Variants in RBFOX1 observed in about 807,000 individuals in gnomAD.
RBFOX1 encodes RNA binding protein fox-1 homolog 1.
A neutral mutation model predicts 57.7 loss-of-function variants in RBFOX1; 8 were observed. The observed-to-expected ratio is 0.14, with a 90% CI of 0.08 to 0.25. The LOEUF is 0.25. RBFOX1 is among the 10% of genes least tolerant of loss of function. RBFOX1 has a pLI of 1.00. For synonymous variants in RBFOX1, 326 were observed against 222.4 expected (o/e 1.47, Z -4.15); for missense variants, 611 against 548.5 (o/e 1.11, Z -1.14).
At chr16:6,561,176 A>T (rs1427562932) in intron 2 of RBFOX1, among the ~76,000 whole-genome samples, 1 of 152,184 alleles carries the variant, frequency 6.6e-6, no homozygotes, top group Non-Finnish European at 1.5e-5. Context: ...CCTTAAAATG[A>T]ATATGCTTCA....
intron 2 of RBFOX1, among the ~76,000 whole-genome samples, chr16:6,527,937 C>T (rs142337961): frequency 1.3e-5 from 2 of 152,076 alleles, no homozygotes; most frequent in Admixed American, 6.6e-5. Context: ...TTTGTTGTCC[C>T]TTTTCCCATG....
chr16:5,964,152 G>T (rs1202635872), intron 4 of RBFOX1, among the ~76,000 whole-genome samples: 1 of 152,152 alleles, frequency 6.6e-6, no homozygotes, highest in Non-Finnish European at 1.5e-5. Flanking sequence ...TACATGAAAA[G>T]GTGCTCAGCA....
At chr16:6,136,634 C>A (rs567432586) in intron 1 of RBFOX1, among the ~76,000 whole-genome samples, 2 of 152,152 alleles carry the variant, frequency 1.3e-5, no homozygotes, top group East Asian at 1.9e-4. Flanking sequence ...TCCAGAAAAA[C>A]CTTTATGGGG....
intron 1 of RBFOX1, among the ~76,000 whole-genome samples, chr16:6,232,870 G>A (rs890952922): frequency 2.6e-5 from 4 of 152,132 alleles, no homozygotes; most frequent in African/African-American, 4.8e-5. Context: ...CTCAACTTCT[G>A]CACATGTAGC....
At chr16:5,461,495 C>G (rs1233636581) in intron 1 of RBFOX1, among the ~76,000 whole-genome samples, 3 of 152,162 alleles carry the variant, frequency 2.0e-5, no homozygotes, top group Admixed American at 6.5e-5. Flanking sequence ...GCAGCTGCAA[C>G]CAACCAGGCT....
At chr16:6,063,627 A>G (rs74438107) in intron 1 of RBFOX1, among the ~76,000 whole-genome samples, 281 of 152,140 alleles carry the variant, frequency 1.8e-3, no homozygotes, top group African/African-American at 6.5e-3. Flanking sequence ...CGTTTACTCT[A>G]TTATCAAGCT....
chr16:6,212,382 C>T (rs1299906609), intron 1 of RBFOX1, among the ~76,000 whole-genome samples: 1 of 150,640 alleles, frequency 6.6e-6, no homozygotes, highest in Non-Finnish European at 1.5e-5. Context: ...CAGATAGGTA[C>T]ACATATATGT....
intron 3 of RBFOX1, among the ~76,000 whole-genome samples, chr16:6,810,499 T>C (rs1485929104): frequency 3.3e-5 from 5 of 152,130 alleles, no homozygotes; most frequent in Non-Finnish European, 7.3e-5. Context: ...GAGTCTTGAT[T>C]CTGTGAATGT....
intron 3 of RBFOX1, among the ~76,000 whole-genome samples, chr16:6,793,573 CCT>C (rs1176498725): frequency 9.9e-5 from 15 of 152,210 alleles, no homozygotes; most frequent in Middle Eastern, 3.4e-3. Context: ...TTGGCCCTTC[CCT>C]CTGTTTTGAA....
At chr16:7,304,502 C>T (rs964562497) in intron 4 of RBFOX1, 1 of 985,304 alleles carries the variant, frequency 1.0e-6, no homozygotes, top group Non-Finnish European at 1.2e-6. Context: ...CGCGCGTCTG[C>T]CCTCGGTGGC....
At chr16:6,477,595 T>C (rs564270979) in intron 2 of RBFOX1, among the ~76,000 whole-genome samples, 2 of 152,324 alleles carry the variant, frequency 1.3e-5, no homozygotes, top group East Asian at 3.9e-4. Context: ...GATTTAGAGT[T>C]ATTCTTAAGG....
In RBFOX1 at chr16:7,357,424, C is replaced by T. The variant is rs147589692; in HGVS notation, c.28-160723C>T. 1.6e-3 allele frequency among the ~76,000 whole-genome samples: 239 copies of T among 152,278 alleles called. 2 individuals are homozygous for T. Among genetic ancestry groups the T allele is most frequent in the African/African-American group, 5.3e-3 (221 of 41,548 alleles). ...CAGAGAGCAGAGTGGTGGTGAGGTG[C>T]ATGAATTGCAGTGGAACCATCCAGG... On this transcript the variant is annotated intron_variant, in intron 4 of 15. Transcript: ENST00000550418.
intron 1 of RBFOX1, among the ~76,000 whole-genome samples, chr16:6,131,491 T>C (rs1006653454): frequency 2.4e-4 from 36 of 152,174 alleles, no homozygotes; most frequent in Non-Finnish European, 4.9e-4. Flanking sequence ...AAATGCAGCT[T>C]CTGAAAGTCA....
intron 1 of RBFOX1, among the ~76,000 whole-genome samples, chr16:6,264,328 C>T (rs1351430466): frequency 6.6e-6 from 1 of 152,164 alleles, no homozygotes; most frequent in African/African-American, 2.4e-5. Context: ...TTGACTTTCT[C>T]CCAGTGAAGT....
intron 3 of RBFOX1, among the ~76,000 whole-genome samples, chr16:5,710,648 G>A (rs961484485): frequency 6.6e-6 from 1 of 152,194 alleles, no homozygotes. Flanking sequence ...AAAGAATTGC[G>A]TGCAGTGGAG....
intron 2 of RBFOX1, among the ~76,000 whole-genome samples, chr16:5,548,062 G>T (rs1315464878): frequency 6.6e-6 from 1 of 151,078 alleles, no homozygotes; most frequent in African/African-American, 2.4e-5. Flanking sequence ...TTGGGAAGCT[G>T]AGACAGGAGA....
intron 4 of RBFOX1, among the ~76,000 whole-genome samples, chr16:5,909,574 C>T (rs1002798378): frequency 6.6e-5 from 10 of 152,190 alleles, no homozygotes; most frequent in African/African-American, 2.4e-4. Flanking sequence ...TTGATCCATG[C>T]AATCTCTCTT....
At chr16:6,779,881 A>ATATATATT (rs1276472451) in intron 3 of RBFOX1, among the ~76,000 whole-genome samples, 1 of 15,510 alleles carries the variant, frequency 6.4e-5, no homozygotes, top group Admixed American at 1.4e-3. Context: ...ATATATATTT[A>ATATATATT]TATATATTTA....
chr16:7,015,675 A>G (rs1420696178), intron 3 of RBFOX1, among the ~76,000 whole-genome samples: 1 of 152,110 alleles, frequency 6.6e-6, no homozygotes, highest in African/African-American at 2.4e-5. Context: ...AAGTATTTGA[A>G]ATTTTTTTAT....
Sources: allele counts gnomAD v4.1 joint callset (sites outside exome capture counted in the v4.1 genomes callset), GRCh38; gene constraint gnomAD v4.1.1; transcripts MANE v1.5; gene names NCBI Gene and HGNC (gene_info 2026-07-23, HGNC 2026-07-21).